The following IMMP2L variants were observed in gnomAD, a reference collection of about 807,000 sequenced individuals.
The protein encoded by IMMP2L is inner mitochondrial membrane peptidase subunit 2, also known as mitochondrial inner membrane protease subunit 2.
A neutral mutation model predicts 19.3 loss-of-function variants in IMMP2L; 18 were observed. That is an observed-to-expected ratio of 0.93 (90% CI 0.64 to 1.38). The LOEUF (loss-of-function observed/expected upper bound fraction) is 1.38. IMMP2L is among the 40% of genes most tolerant of loss of function. IMMP2L has a pLI of 0.00. For missense variants in IMMP2L, 233 were observed against 218.2 expected (o/e 1.07, Z -0.43); for synonymous variants, 76 against 73.0 (o/e 1.04, Z -0.21).
At chr7:111,395,823 T>C (rs1295242471) in intron 3 of IMMP2L, among the ~76,000 whole-genome samples, 1 of 152,110 alleles carries the variant, frequency 6.6e-6, no homozygotes, top group Non-Finnish European at 1.5e-5. Context: ...AAAATTCATA[T>C]TACTGAATTT....
chr7:110,813,454 G>T lies in IMMP2L; in HGVS notation c.408+73139C>A, dbSNP rs141400856. Reference sequence around the variant, plus strand: ...TTTCTTTTTTTTTTTTTGAGACAGGGTCTTGCTCTGTCAGCCAGGCTACAG... The same window carrying T: ...TTTCTTTTTTTTTTTTTGAGACAGGTTCTTGCTCTGTCAGCCAGGCTACAG... On this transcript the variant is annotated intron_variant, in intron 5 of 5. Coordinates refer to ENST00000405709, the MANE Select transcript of IMMP2L (RefSeq NM_032549.4). Among the ~76,000 whole-genome samples, 443 of 150,344 alleles carry T rather than the reference G, an allele frequency of 2.9e-3. 1 individual carries two copies. Among genetic ancestry groups the T allele is most frequent in the African/African-American group, 0.01 (421 of 40,904 alleles).
chr7:111,214,948 A>T (rs529073612), intron 3 of IMMP2L, among the ~76,000 whole-genome samples: 1 of 152,262 alleles, frequency 6.6e-6, no homozygotes, highest in East Asian at 1.9e-4. Context: ...TTCACAGAAA[A>T]ACTCCAAACT....
At chr7:111,295,745 T>TA (rs1488659963) in intron 3 of IMMP2L, among the ~76,000 whole-genome samples, 8 of 151,822 alleles carry the variant, frequency 5.3e-5, no homozygotes, top group African/African-American at 1.9e-4. Context: ...CACCTAGAGA[T>TA]ACTTTTCCAC....
intron 3 of IMMP2L, among the ~76,000 whole-genome samples, chr7:111,341,650 T>C (rs1250575542): frequency 3.9e-5 from 6 of 152,158 alleles, no homozygotes; most frequent in Admixed American, 1.3e-4. Context: ...AACATATCCT[T>C]GAAACCACAG....
intron 4 of IMMP2L, among the ~76,000 whole-genome samples, chr7:110,911,205 GCA>G (rs1319871831): frequency 3.9e-5 from 6 of 152,160 alleles, no homozygotes; most frequent in South Asian, 2.1e-4. Context: ...AAAATGGTGT[GCA>G]CTCTCATAGC....
chr7:110,889,239 A>G (rs181015628), intron 4 of IMMP2L, among the ~76,000 whole-genome samples: 6 of 152,258 alleles, frequency 3.9e-5, no homozygotes, highest in Admixed American at 3.3e-4. Flanking sequence ...CATTACATTT[A>G]TTGTGCGCTT....
intron 3 of IMMP2L, among the ~76,000 whole-genome samples, chr7:111,139,155 C>T (rs1480926767): frequency 6.6e-6 from 1 of 151,598 alleles, no homozygotes; most frequent in Admixed American, 6.6e-5. Context: ...TTATCTTTGC[C>T]CTATTTACAT....
At chr7:110,736,014 T>C (rs1332973792) in intron 5 of IMMP2L, among the ~76,000 whole-genome samples, 3 of 151,898 alleles carry the variant, frequency 2.0e-5, no homozygotes, top group African/African-American at 7.2e-5. Context: ...CAAAAAGCGC[T>C]CAGGGGTTCC....
intron 3 of IMMP2L, among the ~76,000 whole-genome samples, chr7:111,453,177 G>A (rs988368394): frequency 6.6e-6 from 1 of 152,162 alleles, no homozygotes; most frequent in East Asian, 1.9e-4. Flanking sequence ...AGCCTTCATT[G>A]AAACCCAGAT....
chr7:111,134,067 T>C (rs941997417), intron 3 of IMMP2L, among the ~76,000 whole-genome samples: 5 of 152,168 alleles, frequency 3.3e-5, no homozygotes, highest in Middle Eastern at 3.4e-3. Context: ...TAATGTAAAA[T>C]TGTGATTGAT....
chr7:110,743,288 A>T (rs1797111419), intron 5 of IMMP2L, among the ~76,000 whole-genome samples: 1 of 152,212 alleles, frequency 6.6e-6, no homozygotes, highest in Non-Finnish European at 1.5e-5. Context: ...TGTCTAAATT[A>T]TATTTTAGAT....
chr7:111,242,627 G>C (rs1450996330), intron 3 of IMMP2L, among the ~76,000 whole-genome samples: 2 of 151,964 alleles, frequency 1.3e-5, no homozygotes, highest in Non-Finnish European at 2.9e-5. Context: ...AAACGAGCTT[G>C]CTGGGAGCTT....
chr7:111,237,369 T>C (rs1814456747), intron 3 of IMMP2L, among the ~76,000 whole-genome samples: 3 of 152,100 alleles, frequency 2.0e-5, no homozygotes. Flanking sequence ...TACTGGAAGA[T>C]TACAAACTAG....
chr7:111,338,317 A>G (rs970590960), intron 3 of IMMP2L, among the ~76,000 whole-genome samples: 2 of 152,072 alleles, frequency 1.3e-5, no homozygotes, highest in African/African-American at 2.4e-5. Context: ...TTTTCTCCTT[A>G]GCACGTTCCT....
intron 5 of IMMP2L, among the ~76,000 whole-genome samples, chr7:110,705,854 T>C (rs1411892971): frequency 6.6e-6 from 1 of 152,128 alleles, no homozygotes; most frequent in Non-Finnish European, 1.5e-5. Context: ...CTTAGAATAA[T>C]GGCCTCCAGC....
intron 2 of IMMP2L, among the ~76,000 whole-genome samples, chr7:111,519,640 G>A (rs957339176): frequency 6.6e-6 from 1 of 152,136 alleles, no homozygotes; most frequent in South Asian, 2.1e-4. Flanking sequence ...AAGGTCTTGT[G>A]AGCAAGACCT....
rs143452409 is a variant in IMMP2L, at chr7:111,445,414, A to G, written c.239+41824T>C. 2.0e-3 allele frequency among the ~76,000 whole-genome samples: 298 copies of G among 151,582 alleles called. 1 individual carries two copies. Among genetic ancestry groups the G allele is most frequent in the Non-Finnish European group, 3.5e-3 (236 of 67,880 alleles). On this transcript the variant is annotated intron_variant, in intron 3 of 5. Transcript: ENST00000405709. ...GAATGAAAAAAAAATAGACACAAAC[A>G]TACATACATACATACATACATACAT...
chr7:111,042,484 A>G (rs1055716798), intron 3 of IMMP2L, among the ~76,000 whole-genome samples: 3 of 152,166 alleles, frequency 2.0e-5, no homozygotes, highest in African/African-American at 7.2e-5. Flanking sequence ...CCCAGCTACC[A>G]TTTAAAGATT....
At chr7:111,451,353 A>T (rs963729767) in intron 3 of IMMP2L, among the ~76,000 whole-genome samples, 3 of 151,416 alleles carry the variant, frequency 2.0e-5, no homozygotes, top group African/African-American at 4.9e-5. Flanking sequence ...AAAATGTGGC[A>T]CATATACACC....
Sources: gnomAD v4.1 joint callset for allele counts (sites outside exome capture counted in the v4.1 genomes callset) on GRCh38, gnomAD v4.1.1 for gene constraint, MANE v1.5 for transcripts, NCBI Gene and HGNC (gene_info 2026-07-23, HGNC 2026-07-21) for gene names.